The following PPARGC1A variants were observed in gnomAD, a reference collection of about 807,000 sequenced individuals.
PPARGC1A encodes PPARG coactivator 1 alpha, also known as peroxisome proliferator-activated receptor gamma coactivator 1-alpha.
A neutral mutation model predicts 88.7 loss-of-function variants in PPARGC1A; 25 were observed. That is an observed-to-expected ratio of 0.28 (90% confidence interval 0.21 to 0.39). PPARGC1A has a LOEUF of 0.39. Ranked by LOEUF, PPARGC1A falls within the 10% of genes least tolerant of loss-of-function variation. PPARGC1A has a pLI of 1.00. For synonymous variants in PPARGC1A, 363 were observed against 355.6 expected, an observed-to-expected ratio of 1.02 and a Z score of -0.24; for missense variants, 880 against 968.7, an observed-to-expected ratio of 0.91 and a Z score of 1.22.
At chr4:24,415,323 A>G in the PPARGC1A span, among the ~76,000 whole-genome samples, 162 of 152,322 alleles carry the variant, frequency 1.1e-3, 6 homozygotes, top group South Asian at 0.032. Flanking sequence ...AGAAAGAAAA[A>G]TAAATCATTC....
At chr4:24,145,236 T>G in the PPARGC1A span, among the ~76,000 whole-genome samples, 1 of 152,070 alleles carries the variant, frequency 6.6e-6, no homozygotes. Context: ...ATGAACCACT[T>G]TGCCCAAAAC....
the PPARGC1A span, among the ~76,000 whole-genome samples, chr4:24,084,238 C>A: frequency 6.6e-6 from 1 of 152,212 alleles, no homozygotes; most frequent in Non-Finnish European, 1.5e-5. Context: ...TTAGTCCTGG[C>A]TAGACCCTCC....
At chr4:24,131,149 GCA>G in the PPARGC1A span, among the ~76,000 whole-genome samples, 4 of 152,064 alleles carry the variant, frequency 2.6e-5, no homozygotes, top group African/African-American at 9.6e-5. Context: ...TTAGTACCTA[GCA>G]CAGTGCCAGG....
intron 1 of PPARGC1A, among the ~76,000 whole-genome samples, chr4:23,885,308 T>C (rs1361624533): frequency 6.6e-6 from 1 of 152,186 alleles, no homozygotes; most frequent in African/African-American, 2.4e-5. Context: ...TTAACCATAA[T>C]ACAAACTTGA....
chr4:24,292,539 C>G, the PPARGC1A span, among the ~76,000 whole-genome samples: 1 of 129,464 alleles, frequency 7.7e-6, no homozygotes, highest in African/African-American at 3.1e-5. Flanking sequence ...CCCCCCACCC[C>G]ACCCCTTCCT....
At chr4:23,951,785 C>A in the PPARGC1A span, among the ~76,000 whole-genome samples, 16 of 152,264 alleles carry the variant, frequency 1.1e-4, no homozygotes, top group African/African-American at 3.4e-4. Flanking sequence ...AAAATAAGTT[C>A]TCTTCCCTCT....
At chr4:24,287,212 A>C in the PPARGC1A span, among the ~76,000 whole-genome samples, 1 of 151,592 alleles carries the variant, frequency 6.6e-6, no homozygotes, top group South Asian at 2.1e-4. Flanking sequence ...GTGACCAAAA[A>C]AAAAAAATGT....
the PPARGC1A span, among the ~76,000 whole-genome samples, chr4:24,347,268 A>G: frequency 6.6e-6 from 1 of 151,480 alleles, no homozygotes; most frequent in Admixed American, 6.6e-5. Context: ...GTCTGTATAT[A>G]TCTGTGAAGG....
intron 2 of PPARGC1A, among the ~76,000 whole-genome samples, chr4:23,869,350 AGGGC>A (rs1712770587): frequency 6.6e-6 from 1 of 152,166 alleles, no homozygotes; most frequent in Non-Finnish European, 1.5e-5. Context: ...GTGGTCGAGG[AGGGC>A]AGCATTCTTT....
chr4:23,844,386 A>G (rs1727626284), intron 2 of PPARGC1A, among the ~76,000 whole-genome samples: 1 of 134,218 alleles, frequency 7.5e-6, no homozygotes, highest in South Asian at 2.2e-4. Flanking sequence ...TTATAATATG[A>G]CAATCTATAT....
the PPARGC1A span, among the ~76,000 whole-genome samples, chr4:24,017,197 A>G: frequency 1.3e-5 from 2 of 152,176 alleles, no homozygotes; most frequent in African/African-American, 4.8e-5. Flanking sequence ...TGCATTATGT[A>G]AAATTTTTGA....
intron 2 of PPARGC1A, among the ~76,000 whole-genome samples, chr4:23,867,588 G>C (rs1712295366): frequency 6.6e-6 from 1 of 152,158 alleles, no homozygotes; most frequent in Non-Finnish European, 1.5e-5. Flanking sequence ...TACCAGAAAA[G>C]GGCAGGGAAT....
At chr4:24,263,209 C>T in the PPARGC1A span, among the ~76,000 whole-genome samples, 367 of 152,198 alleles carry the variant, frequency 2.4e-3, 1 homozygote, top group African/African-American at 8.6e-3. Flanking sequence ...AAAGTTCAAG[C>T]CCAAATGTGG....
the PPARGC1A span, among the ~76,000 whole-genome samples, chr4:24,113,908 G>C: frequency 1.3e-5 from 2 of 152,042 alleles, no homozygotes; most frequent in African/African-American, 4.8e-5. Flanking sequence ...CAGATCACTT[G>C]AGGTCAGGAG....
At chr4:24,453,120 G>A in the PPARGC1A span, among the ~76,000 whole-genome samples, 2 of 152,220 alleles carry the variant, frequency 1.3e-5, no homozygotes, top group African/African-American at 4.8e-5. Context: ...ACCATGTGAA[G>A]ATACAGGGAG....
the PPARGC1A span, among the ~76,000 whole-genome samples, chr4:24,387,479 A>T: frequency 6.6e-6 from 1 of 152,104 alleles, no homozygotes; most frequent in Non-Finnish European, 1.5e-5. Flanking sequence ...TAATCCCAGC[A>T]CTTTGTTAGG....
At chr4:23,851,181 C>A (rs939355890) in intron 2 of PPARGC1A, among the ~76,000 whole-genome samples, 20 of 152,156 alleles carry the variant, frequency 1.3e-4, no homozygotes, top group Non-Finnish European at 2.8e-4. Flanking sequence ...AAAAATAATT[C>A]TCATTTTGCA....
At chr4:23,955,864 T>A in the PPARGC1A span, among the ~76,000 whole-genome samples, 3 of 152,086 alleles carry the variant, frequency 2.0e-5, no homozygotes, top group African/African-American at 7.2e-5. Context: ...AGAACTGAAG[T>A]CTTCCTGACT....
the PPARGC1A span, among the ~76,000 whole-genome samples, chr4:24,387,826 G>GAAAGAAAGAA: frequency 2.7e-3 from 144 of 53,040 alleles, 5 homozygotes; most frequent in Middle Eastern, 0.01. Context: ...GAAAGAAAGA[G>GAAAGAAAGAA]AGAAAGAGAG....
Sources: gnomAD v4.1 joint callset for allele counts (sites outside exome capture counted in the v4.1 genomes callset) on GRCh38, gnomAD v4.1.1 for gene constraint, MANE v1.5 for transcripts, NCBI Gene and HGNC (gene_info 2026-07-23, HGNC 2026-07-21) for gene names.